The following WASL variants were observed in gnomAD, a reference collection of about 807,000 sequenced individuals.
The protein encoded by WASL is WASP like actin nucleation promoting factor.
In WASL, 20 loss-of-function variants were observed where a neutral mutation model predicts 55.5. The observed-to-expected ratio is 0.36, with a 90% CI of 0.25 to 0.52. The LOEUF (loss-of-function observed/expected upper bound fraction) is 0.52. Ranked by LOEUF, WASL falls within the 20% of genes least tolerant of loss-of-function variation. WASL has a pLI of 0.92. For synonymous variants in WASL, 249 were observed against 217.6 expected (o/e 1.14, Z -1.27); for missense variants, 504 against 622.5 (o/e 0.81, Z 2.03).
At chr7:123,738,228 C>T (rs1463861107) in intron 1 of WASL, among the ~76,000 whole-genome samples, 1 of 151,740 alleles carries the variant, frequency 6.6e-6, no homozygotes. Context: ...AAAAAGGATG[C>T]AACAGATATA....
At chr7:123,703,050 A>G (rs1405499971) in intron 5 of WASL, among the ~76,000 whole-genome samples, 3 of 152,218 alleles carry the variant, frequency 2.0e-5, no homozygotes, top group Admixed American at 6.5e-5. Context: ...TACTAGGCTT[A>G]TATCAAGGAA....
chr7:123,714,880 A>C (rs1803814226), intron 1 of WASL, among the ~76,000 whole-genome samples: 1 of 152,182 alleles, frequency 6.6e-6, no homozygotes, highest in Admixed American at 6.5e-5. Flanking sequence ...GGGTGAGTCA[A>C]GTGAACAAAG....
chr7:123,724,110 G>A (rs1003469785), intron 1 of WASL, among the ~76,000 whole-genome samples: 1 of 152,068 alleles, frequency 6.6e-6, no homozygotes, highest in Non-Finnish European at 1.5e-5. Flanking sequence ...TTATTCTTTC[G>A]TAAGTGCTTG....
At chr7:123,714,180 C>A (rs758138107) in intron 1 of WASL, among the ~76,000 whole-genome samples, 1 of 152,078 alleles carries the variant, frequency 6.6e-6, no homozygotes. Flanking sequence ...AAACCCAATA[C>A]AGAAATCATA....
At position 123,748,809 on chromosome 7, in the gene WASL, T is replaced by G; in HGVS notation, c.-75A>C. On this transcript the variant is annotated 5_prime_UTR_variant, in exon 1 of 11. Transcript: ENST00000223023. ...GGCGAGAGCTCGTTCCCCCTCTCGG[T>G]GACAGGGGCGGGGAGAAGTGGAGTC... 2.4e-6 allele frequency: 3 copies of G among 1,263,802 alleles called. No homozygotes were observed. Among genetic ancestry groups the G allele is most frequent in the South Asian group, 1.4e-5 (1 of 69,590 alleles). The allele number at this position is 1,263,802 out of a possible 1,614,324, so 78.3% of individuals were successfully genotyped here. A position where few individuals can be genotyped will look rare whatever the true frequency, so the allele number is the denominator to read the frequency against.
chr7:123,723,793 T>A (rs1049445382), intron 1 of WASL, among the ~76,000 whole-genome samples: 4 of 152,218 alleles, frequency 2.6e-5, no homozygotes, highest in Admixed American at 6.5e-5. Context: ...AACTTCCTTG[T>A]TCAATTCTGC....
Position 123,692,724 on chromosome 7 carries a change from G to A in WASL, c.970C>T (p.Pro324Ser), listed in dbSNP as rs1803434053. 2.0e-6 allele frequency: 3 copies of A among 1,516,716 alleles called. No homozygotes were observed. Among genetic ancestry groups the A allele is most frequent in the South Asian group, 1.4e-5 (1 of 74,042 alleles). The allele number at this position is 1,516,716 out of a possible 1,614,324, so 94.0% of individuals were successfully genotyped here. A position where few individuals can be genotyped will look rare whatever the true frequency, so the allele number is the denominator to read the frequency against. Residue 324 changes from proline to serine, a missense_variant, in exon 9 of 11, where the codon CCA becomes TCA. Transcript: ENST00000223023. Reference protein sequence around the residue: ...PSRAPTAAPPPPPPSRPSVAV... With the variant: ...PSRAPTAAPPSPPPSRPSVAV... ...ACACTTGGCCTGGAAGGAGGCGGTG[G>A]TGGAGGTGCAGCTGTGGGAGCTCTT...
chr7:123,690,476 G>A (rs932568302), intron 9 of WASL, among the ~76,000 whole-genome samples: 6 of 122,598 alleles, frequency 4.9e-5, no homozygotes, highest in South Asian at 3.1e-4. Flanking sequence ...TAACGAACTC[G>A]GATTACATGT....
At chr7:123,689,230 G>C in intron 9 of WASL, 80 bp from the exon 10 acceptor site, 1 of 1,134,054 alleles carries the variant, frequency 8.8e-7, no homozygotes, top group Non-Finnish European at 1.3e-6. Flanking sequence ...TACTTTCTTA[G>C]AATCACTTCT....
intron 1 of WASL, among the ~76,000 whole-genome samples, chr7:123,720,650 AT>A (rs374915810): frequency 0.05 from 6,937 of 137,398 alleles, 246 homozygotes; most frequent in African/African-American, 0.12. Context: ...ACACTGTGGG[AT>A]TTTTTTTTTT....
intron 5 of WASL, among the ~76,000 whole-genome samples, chr7:123,701,483 T>C (rs998123433): frequency 1.3e-5 from 2 of 152,150 alleles, no homozygotes; most frequent in African/African-American, 2.4e-5. Context: ...GAACAAATCA[T>C]TGGAAAGCAT....
rs1803431197 is a variant in WASL at position 123,692,589 on chromosome 7, C to T, written c.1105G>A (p.Gly369Arg). 1.2e-6 allele frequency: 2 copies of T among 1,610,836 alleles called. No individual in the cohort carries two copies. The highest frequency in any genetic ancestry group is 1.7e-5 in the Admixed American group (1 of 59,394). Residue 369 changes from glycine to arginine, a missense_variant, in exon 9 of 11, where the codon GGG (glycine) becomes AGG (arginine). Gly to Arg is a moderately radical substitution (Grantham distance 125). Around this residue, in one of 5 missense-constraint regions of WASL, gnomAD observed 201 missense variants for 206.2 expected, o/e 0.97. Transcript: ENST00000223023. ...PPPPPSVLGVGPVAPPPPPPP... is the reference protein window; with the variant it reads ...PPPPPSVLGVRPVAPPPPPPP... ...GGCGGTGGGGGTGGTGCCACTGGCCCTACCCCCAACACAGATGGAGGTGGT... is the reference window on the plus strand; with the variant it reads ...GGCGGTGGGGGTGGTGCCACTGGCCTTACCCCCAACACAGATGGAGGTGGT...
intron 1 of WASL, among the ~76,000 whole-genome samples, chr7:123,718,659 T>C (rs925591174): frequency 6.6e-6 from 1 of 152,184 alleles, no homozygotes; most frequent in East Asian, 1.9e-4. Flanking sequence ...TCTCCCAAAG[T>C]GCTGGGATTA....
At chr7:123,717,445 T>C (rs1158567489) in intron 1 of WASL, among the ~76,000 whole-genome samples, 1 of 152,216 alleles carries the variant, frequency 6.6e-6, no homozygotes, top group Non-Finnish European at 1.5e-5. Flanking sequence ...GAATGCACTA[T>C]CTCTGTATCC....
intron 1 of WASL, among the ~76,000 whole-genome samples, chr7:123,718,422 T>C (rs773169228): frequency 2.6e-5 from 4 of 152,182 alleles, no homozygotes; most frequent in African/African-American, 7.2e-5. Context: ...TTTGAACATA[T>C]AGTGATCTTA....
chr7:123,745,383 TA>T (rs1804414732), intron 1 of WASL, among the ~76,000 whole-genome samples: 1 of 152,150 alleles, frequency 6.6e-6, no homozygotes, highest in Non-Finnish European at 1.5e-5. Flanking sequence ...CCCCATTAAA[TA>T]GTGCAATACT....
At chr7:123,700,506 T>C (rs1464222425) in intron 5 of WASL, among the ~76,000 whole-genome samples, 1 of 151,834 alleles carries the variant, frequency 6.6e-6, no homozygotes, top group African/African-American at 2.4e-5. Flanking sequence ...AATGGCGCCA[T>C]CTCGGCTCAC....
intron 3 of WASL, 48 bp from the exon 4 acceptor site, chr7:123,706,421 A>C (rs977335430): frequency 6.6e-7 from 1 of 1,520,580 alleles, no homozygotes; most frequent in Non-Finnish European, 9.0e-7. Context: ...GTATGAATTT[A>C]GCTTTATATC....
intron 1 of WASL, among the ~76,000 whole-genome samples, chr7:123,723,645 C>A (rs1434245989): frequency 6.6e-6 from 1 of 152,158 alleles, no homozygotes; most frequent in Non-Finnish European, 1.5e-5. Context: ...AATTAAGATT[C>A]TCTCCCAGGA....
Sources: gnomAD v4.1 joint callset for allele counts (sites outside exome capture counted in the v4.1 genomes callset) on GRCh38, gnomAD v4.1.1 for gene constraint, gnomAD v4.1.1 regional missense constraint, MANE v1.5 for transcripts, NCBI Gene and HGNC (gene_info 2026-07-23, HGNC 2026-07-21) for gene names.